The following LMO7 variants were observed in gnomAD, a reference collection of about 807,000 sequenced individuals.
The protein encoded by LMO7 is LIM domain only protein 7.
LMO7 carries 120 observed loss-of-function variants against 206.5 expected under a neutral mutation model. The ratio of observed to expected loss-of-function variants is 0.58; its 90% CI spans 0.50 to 0.68. LMO7 has a LOEUF of 0.68. LMO7 is among the 30% of genes least tolerant of loss of function. LMO7 has a pLI of 0.00. For missense variants in LMO7, 1,959 were observed against 1,957.9 expected (o/e 1.00, Z -0.01); for synonymous variants, 706 against 681.5 (o/e 1.04, Z -0.56).
intron 1 of LMO7, among the ~76,000 whole-genome samples, chr13:75,669,386 G>T (rs969094870): frequency 6.6e-6 from 1 of 152,004 alleles, no homozygotes. Flanking sequence ...CCGCCGCCCC[G>T]CCAAATCTGT....
chr13:75,776,056 G>A (rs1594888433), intron 4 of LMO7, among the ~76,000 whole-genome samples: 1 of 146,564 alleles, frequency 6.8e-6, no homozygotes, highest in Admixed American at 6.9e-5. Flanking sequence ...ATTAACGTAA[G>A]TGTCCATCAA....
At position 75,760,993 on chromosome 13, in the gene LMO7, T is replaced by C. The variant is rs199671648; in HGVS notation, c.272T>C (p.Phe91Ser). The C allele has an allele frequency of 2.5e-6, 4 of 1,613,408 alleles. No individual in the cohort carries two copies. The highest frequency in any genetic ancestry group is 3.4e-6 in the Non-Finnish European group (4 of 1,179,692). ...EQIGLKEAQLFHPGDLQDLSN... is the reference protein window; with the variant it reads ...EQIGLKEAQLSHPGDLQDLSN... ...ATTGGATTGAAAGAAGCCCAGCTTT[T>C]CCATCCTGGAGATCTACAGGATTTA... The change falls in exon 4 of 31, where the codon TTC becomes TCC. Residue 91 changes from phenylalanine (F) to serine (S), a missense_variant. By Grantham distance (155) the Phe-to-Ser change is radical (BLOSUM62 -2). Coordinates refer to ENST00000377534, the MANE Select transcript of LMO7 (RefSeq NM_001306080.2).
chr13:75,852,669 G>A (rs2060591384), intron 27 of LMO7, among the ~76,000 whole-genome samples: 1 of 152,172 alleles, frequency 6.6e-6, no homozygotes, highest in African/African-American at 2.4e-5. Flanking sequence ...AAGCCTTTGT[G>A]GAAACTGTAC....
At chr13:75,681,698 A>G (rs1477514878) in intron 1 of LMO7, among the ~76,000 whole-genome samples, 1 of 117,246 alleles carries the variant, frequency 8.5e-6, no homozygotes, top group Non-Finnish European at 1.9e-5. Context: ...GTATGTATGT[A>G]TGTATGTGTA....
chr13:75,732,388 C>A (rs1277618914), intron 3 of LMO7, among the ~76,000 whole-genome samples: 1 of 151,988 alleles, frequency 6.6e-6, no homozygotes, highest in Non-Finnish European at 1.5e-5. Context: ...TCTTCCATCA[C>A]TGATACCCTT....
chr13:75,829,658 C>T (rs1263891467), intron 15 of LMO7, among the ~76,000 whole-genome samples: 2 of 151,624 alleles, frequency 1.3e-5, no homozygotes, highest in African/African-American at 2.4e-5. Context: ...AGAAAAAATT[C>T]GAGGAGTGTA....
intron 3 of LMO7, among the ~76,000 whole-genome samples, chr13:75,744,862 G>C (rs559861477): frequency 1.1e-4 from 17 of 152,272 alleles, no homozygotes; most frequent in Non-Finnish European, 2.4e-4. Context: ...CAGCCTTGTC[G>C]ACCAGAAACA....
At chr13:75,697,791 G>C (rs940548934) in intron 1 of LMO7, among the ~76,000 whole-genome samples, 1 of 152,126 alleles carries the variant, frequency 6.6e-6, no homozygotes, top group Non-Finnish European at 1.5e-5. Context: ...CTTGATCAAC[G>C]GGAAACTAAT....
At chr13:75,711,332 C>T (rs961596875) in intron 1 of LMO7, among the ~76,000 whole-genome samples, 1 of 152,152 alleles carries the variant, frequency 6.6e-6, no homozygotes, top group African/African-American at 2.4e-5. Flanking sequence ...TTAGGGAGGA[C>T]TCCCTCTTTT....
chr13:75,824,256 C>T (rs1055842894), intron 15 of LMO7, among the ~76,000 whole-genome samples: 1 of 152,056 alleles, frequency 6.6e-6, no homozygotes, highest in Non-Finnish European at 1.5e-5. Context: ...TGACAGAAGC[C>T]CTTTCCCAGG....
chr13:75,645,038 T>C (rs1444630493), intron 1 of LMO7, among the ~76,000 whole-genome samples: 1 of 152,238 alleles, frequency 6.6e-6, no homozygotes, highest in African/African-American at 2.4e-5. Flanking sequence ...AAAGGAAACA[T>C]TTTAATATAA....
chr13:75,840,995 T>G, intron 22 of LMO7, 114 bp from the exon 23 acceptor site: 1 of 655,162 alleles, frequency 1.5e-6, no homozygotes, highest in Admixed American at 3.2e-5. Context: ...AAATAAATCA[T>G]GGTCTTTAAA....
chr13:75,823,526 A>G, intron 14 of LMO7, 39 bp from the exon 15 acceptor site: 1 of 1,442,918 alleles, frequency 6.9e-7, no homozygotes, highest in Non-Finnish European at 9.6e-7. Flanking sequence ...AAATAAAGGT[A>G]ACAGAATATC....
chr13:75,803,084 A>G (rs2054980126), intron 7 of LMO7, among the ~76,000 whole-genome samples: 2 of 152,182 alleles, frequency 1.3e-5, no homozygotes, highest in South Asian at 4.1e-4. Flanking sequence ...TGAGAAATAA[A>G]TGTCTGATTT....
At chr13:75,782,824 C>G (rs2051741812) in intron 4 of LMO7, among the ~76,000 whole-genome samples, 2 of 152,194 alleles carry the variant, frequency 1.3e-5, no homozygotes, top group Non-Finnish European at 2.9e-5. Flanking sequence ...CCCTCTTCCT[C>G]CCTCTCATAA....
At chr13:75,801,307 ACT>A (rs777040042) in intron 7 of LMO7, among the ~76,000 whole-genome samples, 6 of 152,096 alleles carry the variant, frequency 3.9e-5, no homozygotes, top group African/African-American at 7.2e-5. Flanking sequence ...GATTAAAAAA[ACT>A]CTCTTAAGCA....
At chr13:75,752,726 G>A (rs2047372444) in intron 3 of LMO7, among the ~76,000 whole-genome samples, 1 of 152,096 alleles carries the variant, frequency 6.6e-6, no homozygotes, top group Non-Finnish European at 1.5e-5. Context: ...TAAGATAATG[G>A]CCTCCAGTTC....
intron 3 of LMO7, among the ~76,000 whole-genome samples, chr13:75,729,108 G>A (rs1473430802): frequency 2.7e-5 from 4 of 150,288 alleles, no homozygotes; most frequent in South Asian, 2.1e-4. Flanking sequence ...TTGGTGATGC[G>A]GGCTCTTTTT....
At chr13:75,848,402 T>A (rs1034368871) in intron 26 of LMO7, among the ~76,000 whole-genome samples, 5 of 152,096 alleles carry the variant, frequency 3.3e-5, no homozygotes, top group Non-Finnish European at 5.9e-5. Flanking sequence ...AATTCATTCC[T>A]TTTTATGGCT....
Sources: allele counts gnomAD v4.1 joint callset (sites outside exome capture counted in the v4.1 genomes callset), GRCh38; gene constraint gnomAD v4.1.1; transcripts MANE v1.5; gene names NCBI Gene and HGNC (gene_info 2026-07-23, HGNC 2026-07-21).